TGFA: variants seen among roughly 807,000 people sequenced by gnomAD.
TGFA encodes the protein transforming growth factor alpha.
A neutral mutation model predicts 21.7 loss-of-function variants in TGFA; 12 were observed. That is an observed-to-expected ratio of 0.55 (90% CI 0.35 to 0.90). The LOEUF (loss-of-function observed/expected upper bound fraction) is 0.90, where lower values mean the gene tolerates loss of function less well. TGFA is among the 40% of genes least tolerant of loss of function. TGFA has a pLI of 0.01. For missense variants in TGFA, 178 were observed against 210.8 expected, an observed-to-expected ratio of 0.84 and a Z score of 0.96; for synonymous variants, 79 against 88.1, an observed-to-expected ratio of 0.90 and a Z score of 0.58.
chr2:70,476,448 G>C (rs1351359564), intron 2 of TGFA, among the ~76,000 whole-genome samples: 3 of 152,182 alleles, frequency 2.0e-5, no homozygotes, highest in Admixed American at 6.5e-5. Flanking sequence ...AGCCCCGTTA[G>C]AGCCCAGGGC....
At chr2:70,504,469 C>CAAATATATATATAT (rs1671851267) in intron 2 of TGFA, among the ~76,000 whole-genome samples, 1 of 80,628 alleles carries the variant, frequency 1.2e-5, no homozygotes, top group Non-Finnish European at 2.6e-5. Context: ...TATATACACA[C>CAAATATATATATAT]ATACATACAT....
chr2:70,454,175 G>C (rs1234776960), intron 4 of TGFA, among the ~76,000 whole-genome samples: 1 of 152,180 alleles, frequency 6.6e-6, no homozygotes, highest in African/African-American at 2.4e-5. Flanking sequence ...GTTGGAGTTA[G>C]GAGAAATTTC....
chr2:70,466,554 A>C (rs1354353459), intron 2 of TGFA, among the ~76,000 whole-genome samples: 3 of 152,092 alleles, frequency 2.0e-5, no homozygotes, highest in African/African-American at 7.2e-5. Flanking sequence ...AACCAAAAAA[A>C]CCCAACACAA....
intron 2 of TGFA, among the ~76,000 whole-genome samples, chr2:70,497,628 T>C (rs1263394254): frequency 6.6e-6 from 1 of 152,042 alleles, no homozygotes; most frequent in East Asian, 1.9e-4. Context: ...GAACCAGCTG[T>C]AGAAAGGAGG....
chr2:70,526,256 C>A (rs1672631460), intron 1 of TGFA, among the ~76,000 whole-genome samples: 1 of 152,184 alleles, frequency 6.6e-6, no homozygotes, highest in Non-Finnish European at 1.5e-5. Context: ...GGTTACACAA[C>A]ATGAAGCCTA....
chr2:70,510,171 C>A (rs1672048813), intron 2 of TGFA, among the ~76,000 whole-genome samples: 1 of 152,206 alleles, frequency 6.6e-6, no homozygotes, highest in South Asian at 2.1e-4. Context: ...CCCATGCTGT[C>A]TTTTCTCACC....
intron 2 of TGFA, among the ~76,000 whole-genome samples, chr2:70,482,136 T>C (rs1671143234): frequency 6.6e-6 from 1 of 152,158 alleles, no homozygotes; most frequent in Admixed American, 6.5e-5. Flanking sequence ...AGTGCCTTTC[T>C]TAAAATAGTC....
At chr2:70,484,652 A>T (rs1318432905) in intron 2 of TGFA, among the ~76,000 whole-genome samples, 1 of 152,198 alleles carries the variant, frequency 6.6e-6, no homozygotes, top group Non-Finnish European at 1.5e-5. Context: ...TAAGAAAGAC[A>T]AAAAGATAAT....
intron 2 of TGFA, among the ~76,000 whole-genome samples, chr2:70,479,261 C>T (rs557878490): frequency 4.8e-4 from 73 of 152,148 alleles, no homozygotes; most frequent in South Asian, 3.9e-3. Flanking sequence ...ATCCATATAA[C>T]GAAATATTAT....
At chr2:70,466,273 C>T (rs1399721173) in intron 2 of TGFA, among the ~76,000 whole-genome samples, 2 of 152,188 alleles carry the variant, frequency 1.3e-5, no homozygotes, top group Non-Finnish European at 2.9e-5. Context: ...CTCTGGGAGG[C>T]CGAGGCAGAC....
chr2:70,487,077 A>G (rs1671292762), intron 2 of TGFA, among the ~76,000 whole-genome samples: 1 of 152,204 alleles, frequency 6.6e-6, no homozygotes, highest in African/African-American at 2.4e-5. Context: ...TCTTGTTTTT[A>G]ATCACTTTTG....
intron 1 of TGFA, among the ~76,000 whole-genome samples, chr2:70,519,314 C>T (rs1419383831): frequency 2.6e-5 from 4 of 152,136 alleles, no homozygotes; most frequent in Admixed American, 2.6e-4. Context: ...AGAAATGGGC[C>T]ACACAGAACC....
At chr2:70,495,373 A>G (rs895029686) in intron 2 of TGFA, among the ~76,000 whole-genome samples, 1 of 152,226 alleles carries the variant, frequency 6.6e-6, no homozygotes, top group Non-Finnish European at 1.5e-5. Flanking sequence ...CACATTTTAC[A>G]TGAGCATTTT....
intron 2 of TGFA, among the ~76,000 whole-genome samples, chr2:70,474,263 T>C (rs1553493772): frequency 1.3e-5 from 2 of 152,234 alleles, no homozygotes; most frequent in Non-Finnish European, 2.9e-5. Context: ...GATAACCTTG[T>C]CAATGGACAT....
chr2:70,476,123 G>A (rs1670928610), intron 2 of TGFA, among the ~76,000 whole-genome samples: 1 of 137,606 alleles, frequency 7.3e-6, no homozygotes, highest in East Asian at 2.3e-4. Flanking sequence ...AAAATTACAG[G>A]TCACGATTTT....
intron 1 of TGFA, among the ~76,000 whole-genome samples, chr2:70,520,993 T>C (rs1457213086): frequency 2.6e-5 from 4 of 152,036 alleles, no homozygotes; most frequent in Non-Finnish European, 5.9e-5. Flanking sequence ...CCGTCCATCC[T>C]ATCCATCCCC....
At chr2:70,461,146 T>C (rs1553491419) in intron 3 of TGFA, among the ~76,000 whole-genome samples, 1 of 152,194 alleles carries the variant, frequency 6.6e-6, no homozygotes. Context: ...GTCACTTGTA[T>C]GGGAGACTCA....
rs574846587 is a variant in TGFA at position 70,503,547 on chromosome 2, C to T, written c.94+11312G>A. Among the ~76,000 whole-genome samples the T allele has an allele frequency of 4.1e-5, 6 of 145,814 alleles. No homozygotes were observed. The South Asian group carries it at 1.3e-3, about 32-fold the overall frequency. ...ATGTAACAAACCTGCACGTTGCGCA[C>T]ATGTACCCTAAAACCTAAAGTATAA... is the stretch of plus-strand genomic sequence containing the variant. On this transcript the variant is annotated intron_variant, in intron 2 of 5. Transcript: ENST00000295400.
chr2:70,468,150 A>G (rs1670628067), intron 2 of TGFA, among the ~76,000 whole-genome samples: 1 of 152,252 alleles, frequency 6.6e-6, no homozygotes, highest in South Asian at 2.1e-4. Context: ...TCCACGTGAT[A>G]AAACCACTAC....
Sources: allele counts gnomAD v4.1 joint callset (sites outside exome capture counted in the v4.1 genomes callset), GRCh38; gene constraint gnomAD v4.1.1; transcripts MANE v1.5; gene names NCBI Gene and HGNC (gene_info 2026-07-23, HGNC 2026-07-21).